Variants in DCTN4 observed in about 807,000 individuals in gnomAD.
The protein encoded by DCTN4 is dynactin 4 (p62).
In DCTN4, 23 loss-of-function variants were observed where a neutral mutation model predicts 62.7. The observed-to-expected ratio is 0.37, with a 90% confidence interval of 0.26 to 0.52. The LOEUF (loss-of-function observed/expected upper bound fraction) is 0.52, where lower values mean the gene tolerates loss of function less well. Among genes scored for constraint, DCTN4 ranks in the 20% least tolerant of loss-of-function variants. The pLI is 0.92. For missense variants in DCTN4, 514 were observed against 580.4 expected (o/e 0.89, Z 1.18); for synonymous variants, 199 against 202.1 (o/e 0.98, Z 0.13).
intron 9 of DCTN4, among the ~76,000 whole-genome samples, chr5:150,721,940 T>C (rs2113017337): frequency 6.6e-6 from 1 of 152,296 alleles, no homozygotes. Flanking sequence ...TCCTCTCACC[T>C]CAGACTCCCA....
chr5:150,740,523 C>T (rs192275350), intron 4 of DCTN4, among the ~76,000 whole-genome samples: 10 of 152,140 alleles, frequency 6.6e-5, no homozygotes, highest in Admixed American at 2.0e-4. Context: ...GTAGATCTAC[C>T]GTTTGATCCA....
chr5:150,746,902 C>T (rs982059993), intron 3 of DCTN4, among the ~76,000 whole-genome samples: 11 of 152,194 alleles, frequency 7.2e-5, no homozygotes, highest in African/African-American at 2.7e-4. Flanking sequence ...CCTCTCTCAC[C>T]ACTCCTATTC....
intron 3 of DCTN4, among the ~76,000 whole-genome samples, chr5:150,744,333 T>C (rs1760879976): frequency 6.6e-6 from 1 of 151,694 alleles, no homozygotes; most frequent in Non-Finnish European, 1.5e-5. Flanking sequence ...CTGAAAGTGA[T>C]GGGGAGAATG....
At chr5:150,725,963 C>T (rs1226207826) in intron 8 of DCTN4, among the ~76,000 whole-genome samples, 1 of 151,908 alleles carries the variant, frequency 6.6e-6, no homozygotes, top group Non-Finnish European at 1.5e-5. Context: ...AGTACAATGG[C>T]GCAATCTTGG....
Position 150,758,349 on chromosome 5 carries a change from C to A in DCTN4, c.135+510G>T, listed in dbSNP as rs367927711. ...AGCGCTTTTCACATAACTCACGCCGCCCCAACCTCTTCCCGGCTGCAGGCC... is the reference window on the plus strand; with the variant it reads ...AGCGCTTTTCACATAACTCACGCCGACCCAACCTCTTCCCGGCTGCAGGCC... On this transcript the variant is annotated intron_variant, in intron 1 of 12. Transcript: ENST00000447998. 45 of 986,630 alleles carry A rather than the reference C, an allele frequency of 4.6e-5. No individual in the cohort carries two copies. In the East Asian group the frequency reaches 1.7e-3, roughly 37 times the overall value. 61.1% of individuals were successfully genotyped at this position (986,630 alleles called of 1,614,324 possible).
At chr5:150,751,843 T>C (rs988416741) in intron 3 of DCTN4, among the ~76,000 whole-genome samples, 2 of 152,272 alleles carry the variant, frequency 1.3e-5, no homozygotes, top group African/African-American at 2.4e-5. Flanking sequence ...GCAAATTCAA[T>C]AGAATCAAGG....
At chr5:150,727,415 T>A (rs974640857) in intron 8 of DCTN4, among the ~76,000 whole-genome samples, 2 of 152,198 alleles carry the variant, frequency 1.3e-5, no homozygotes, top group African/African-American at 4.8e-5. Flanking sequence ...CATACTATTT[T>A]AAAATTATTT....
intron 1 of DCTN4, chr5:150,758,095 C>A: frequency 2.0e-6 from 2 of 985,474 alleles, no homozygotes; most frequent in Non-Finnish European, 2.4e-6. Context: ...TATTAAACAG[C>A]GCATTTTATG....
intron 12 of DCTN4, among the ~76,000 whole-genome samples, chr5:150,715,169 G>A (rs1474935190): frequency 6.7e-6 from 1 of 150,354 alleles, no homozygotes; most frequent in African/African-American, 2.5e-5. Flanking sequence ...GGGGGTGGGG[G>A]TGGGGAACAA....
At chr5:150,757,461 A>G (rs780667353) in intron 1 of DCTN4, among the ~76,000 whole-genome samples, 1 of 152,124 alleles carries the variant, frequency 6.6e-6, no homozygotes, top group African/African-American at 2.4e-5. Flanking sequence ...AATGGCCTCC[A>G]TATCACAGGT....
At chr5:150,753,875 C>T (rs183355667) in intron 2 of DCTN4, among the ~76,000 whole-genome samples, 1 of 152,360 alleles carries the variant, frequency 6.6e-6, no homozygotes. Flanking sequence ...CCCAATCCTA[C>T]TCCACAGAGA....
In DCTN4 at chr5:150,719,182, A is replaced by G. The variant is rs188371416; in HGVS notation, c.963+534T>C. ...TTTGTCCTTGTTTGGTACCCTCTCT[A>G]GATAAGCAAAACAAATCTTTCAAAT... On this transcript the variant is annotated intron_variant, in intron 10 of 12. Transcript: ENST00000447998. 1.1e-4 allele frequency among the ~76,000 whole-genome samples: 16 copies of G among 152,308 alleles called. No individual in the cohort carries two copies. The East Asian group carries it at 1.9e-3, about 18-fold the overall frequency.
chr5:150,741,137 C>T (rs35518161), intron 4 of DCTN4, among the ~76,000 whole-genome samples: 15 of 141,022 alleles, frequency 1.1e-4, no homozygotes, highest in Non-Finnish European at 1.9e-4. Flanking sequence ...TGCATGCCAG[C>T]CTGGGTGACA....
chr5:150,741,111 G>A (rs1056931078), intron 4 of DCTN4, among the ~76,000 whole-genome samples: 2 of 145,080 alleles, frequency 1.4e-5, no homozygotes, highest in Non-Finnish European at 3.0e-5. Context: ...GCTGCAGTGA[G>A]CTGTGATCAT....
rs770543925 is a variant in DCTN4 at position 150,725,824 on chromosome 5, G to A, written c.835-2844C>T. Among the ~76,000 whole-genome samples, 10 of 152,288 alleles carry A rather than the reference G, an allele frequency of 6.6e-5. No homozygotes were observed. In the South Asian group the frequency reaches 8.3e-4, roughly 13 times the overall value. On this transcript the variant is annotated intron_variant, in intron 8 of 12. Transcript: ENST00000447998. ...CATGTGCAAAGAAACAATCATGAAAGTTGGTAGACAATATTGGATGGGTGC... is the reference window on the plus strand; with the variant it reads ...CATGTGCAAAGAAACAATCATGAAAATTGGTAGACAATATTGGATGGGTGC...
Position 150,723,599 on chromosome 5 carries a change from G to A in DCTN4, c.835-619C>T, listed in dbSNP as rs534971493. Among the ~76,000 whole-genome samples the A allele has an allele frequency of 1.8e-4, 27 of 152,316 alleles. No individual in the cohort carries two copies. In the South Asian group the frequency reaches 3.3e-3, roughly 19 times the overall value. ...TCTTCCTGCCTTGGCCTCCCAAAGT[G>A]CTGGGATTACAGGCATGAGCCACTG... On this transcript the variant is annotated intron_variant, in intron 8 of 12. Coordinates refer to ENST00000447998, the MANE Select transcript of DCTN4 (RefSeq NM_016221.4).
chr5:150,730,316 C>T (rs1405598294), intron 8 of DCTN4, among the ~76,000 whole-genome samples: 1 of 152,038 alleles, frequency 6.6e-6, no homozygotes, highest in Non-Finnish European at 1.5e-5. Flanking sequence ...ATTGGTCCTC[C>T]CTGAGCCTGA....
rs17852390 is a variant in DCTN4 at position 150,718,324 on chromosome 5, G to C, written c.1023C>G (p.Leu341=). Residue 341 remains leucine (L), a synonymous_variant, in exon 11 of 13, where the codon CTC becomes CTG. Transcript: ENST00000447998. ...CAGGGTCCCCCTCCTCACACTCGAAGAGAGTCACATGGGTGAGGTTCTCAA... is the reference window on the plus strand; with the variant it reads ...CAGGGTCCCCCTCCTCACACTCGAACAGAGTCACATGGGTGAGGTTCTCAA... The part of the protein sequence containing the change: ...NPVENLTHVT[L]FECEEGDPDD... 114 of 1,614,038 alleles carry C rather than the reference G, an allele frequency of 7.1e-5. No homozygotes were observed. The highest frequency in any genetic ancestry group is 7.8e-5 in the Non-Finnish European group (92 of 1,180,010).
rs2113151619 is a variant in DCTN4, at chr5:150,753,642, A to G, written c.222T>C (p.Phe74=). Residue 74 remains phenylalanine (F), a synonymous_variant, in exon 3 of 13, where the codon TTT becomes TTC. Coordinates refer to ENST00000447998, the MANE Select transcript of DCTN4 (RefSeq NM_016221.4). ...KLKKNRCANC[F]DCPGCMHTLS... ...GGGTGTGCATGCAGCCAGGACAGTC[A>G]AAACAATTGGCACATCTGTGACATG... The G allele has an allele frequency of 6.2e-7, 1 of 1,612,718 alleles. No homozygotes were observed. The highest frequency in any genetic ancestry group is 8.5e-7 in the Non-Finnish European group (1 of 1,179,150).
Sources: gnomAD v4.1 joint callset for allele counts (sites outside exome capture counted in the v4.1 genomes callset) on GRCh38, gnomAD v4.1.1 for gene constraint, MANE v1.5 for transcripts, NCBI Gene and HGNC (gene_info 2026-07-23, HGNC 2026-07-21) for gene names.